Variants in HAUS8 observed in about 807,000 individuals in gnomAD.
HAUS8 encodes HAUS augmin-like complex subunit 8.
A neutral mutation model predicts 42.9 loss-of-function variants in HAUS8; 38 were observed. The observed-to-expected ratio is 0.89, with a 90% CI of 0.68 to 1.16. HAUS8 has a LOEUF of 1.16. HAUS8 is among the 50% of genes most tolerant of loss of function. HAUS8 has a pLI of 0.00. For synonymous variants in HAUS8, 199 were observed against 205.8 expected (o/e 0.97, Z 0.28); for missense variants, 494 against 511.6 (o/e 0.97, Z 0.33).
chr19:17,058,826 C>G lies in HAUS8; in HGVS notation c.471G>C (p.Thr157=). 1 of 1,613,410 alleles carries G rather than the reference C, an allele frequency of 6.2e-7. No individual in the cohort carries two copies. The highest frequency in any genetic ancestry group is 8.5e-7 in the Non-Finnish European group (1 of 1,179,762). The change falls in exon 7 of 11, where the codon ACG becomes ACC. Residue 157 remains threonine, a synonymous_variant. Transcript: ENST00000253669. Reference sequence around the variant, plus strand: ...CTGTTTTCACCTTTACGGATAGTAGCGTCAGCAGTAGTGTCTGAGACTCCA... The same window carrying G: ...CTGTTTTCACCTTTACGGATAGTAGGGTCAGCAGTAGTGTCTGAGACTCCA... ...EMMESQTLLL[T]LLSVKMENNL...
intron 8 of HAUS8, 96 bp downstream of exon 8, chr19:17,058,453 G>A: frequency 8.1e-7 from 1 of 1,234,596 alleles, no homozygotes; most frequent in Non-Finnish European, 1.1e-6. Flanking sequence ...AAGCCAGTGA[G>A]CAATGATACC....
intron 2 of HAUS8, 119 bp from the exon 3 acceptor site, chr19:17,069,205 C>T: frequency 1.2e-6 from 1 of 824,788 alleles, no homozygotes; most frequent in East Asian, 2.7e-5. Context: ...GTGACCAGAA[C>T]AGAGGAGGTC....
chr19:17,059,454 T>C, intron 6 of HAUS8, 103 bp downstream of exon 6: 2 of 770,732 alleles, frequency 2.6e-6, no homozygotes, highest in Non-Finnish European at 2.2e-6. Context: ...TGGGTGTCTT[T>C]TATGTTCTTG....
At chr19:17,071,070 T>A (rs374138470) in intron 2 of HAUS8, among the ~76,000 whole-genome samples, 2,594 of 147,012 alleles carry the variant, frequency 0.018, 35 homozygotes, top group South Asian at 0.047. Context: ...CTTTGTCTCA[T>A]AAAAAAAAAA....
intron 1 of HAUS8, 82 bp downstream of exon 1, chr19:17,075,312 G>A (rs1395907415): frequency 2.0e-6 from 3 of 1,491,876 alleles, no homozygotes; most frequent in Non-Finnish European, 9.3e-7. Context: ...CACCCCGAGG[G>A]TCCTAACTCC....
upstream of HAUS8, chr19:17,075,532 G>C: frequency 8.6e-7 from 1 of 1,168,298 alleles, no homozygotes. Flanking sequence ...TGGCTGCGAG[G>C]CGTGAGGCAG....
In HAUS8 at chr19:17,055,987, G is replaced by A. The variant is rs945735841; in HGVS notation, c.661C>T (p.Pro221Ser). The A allele has an allele frequency of 1.9e-6, 3 of 1,614,102 alleles. No homozygotes were observed. Among genetic ancestry groups the A allele is most frequent in the Non-Finnish European group, 2.5e-6 (3 of 1,180,026 alleles). Residue 221 changes from proline to serine, a missense_variant, in exon 9 of 11, where the codon CCC becomes TCC. Physicochemically the swap from Pro to Ser is moderately conservative, Grantham distance 74 (BLOSUM62 -1). Transcript: ENST00000253669. ...AAGCGTGTGGCCACTGCCTCGAAGG[G>A]GCTGAGCATCTCGATCTGTAAGCAG... is the stretch of plus-strand genomic sequence containing the variant. ...VLDAQIEMLS[P>S]FEAVATRFKE...
chr19:17,070,483 CCT>C (rs911568159), intron 2 of HAUS8, among the ~76,000 whole-genome samples: 15 of 152,218 alleles, frequency 9.9e-5, no homozygotes, highest in Admixed American at 6.5e-5. Flanking sequence ...CACTTTGTCA[CCT>C]CTCACTTGCT....
intron 6 of HAUS8, among the ~76,000 whole-genome samples, 174 bp from the exon 7 acceptor site, chr19:17,059,050 C>T (rs578252799): frequency 9.9e-5 from 15 of 152,282 alleles, no homozygotes; most frequent in South Asian, 4.1e-4. Flanking sequence ...TGGTTTTCTG[C>T]GGCGCTGAGA....
At chr19:17,073,235 G>T (rs756660386) in intron 2 of HAUS8, 39 bp downstream of exon 2, 1 of 1,572,836 alleles carries the variant, frequency 6.4e-7, no homozygotes, top group Non-Finnish European at 8.8e-7. Context: ...AATGAAAGAA[G>T]AAAACCATGT....
chr19:17,059,972 A>AGAAG (rs762153956), intron 5 of HAUS8, 25 bp downstream of exon 5: 1 of 1,541,150 alleles, frequency 6.5e-7, no homozygotes, highest in Admixed American at 1.7e-5. Flanking sequence ...AGTGAGTGAC[A>AGAAG]GAAGGGGTGA....
At position 17,059,787 on chromosome 19, in the gene HAUS8, C is replaced by T. The variant is rs893322506; in HGVS notation, c.326-136G>A. On this transcript the variant is annotated intron_variant, in intron 5 of 10. Transcript: ENST00000253669. ...GAGGAGTATATGGACTTATAACAGT[C>T]CAGTTAAAGTTGTTCAACTTTGCAA... is the stretch of plus-strand genomic sequence containing the variant. 6.5e-5 allele frequency: 45 copies of T among 690,392 alleles called. 1 individual carries two copies. The highest frequency in any genetic ancestry group is 1.2e-5 in the Non-Finnish European group (5 of 402,408). 42.8% of individuals were successfully genotyped at this position (690,392 alleles called of 1,614,324 possible).
chr19:17,056,511 A>C (rs1462146893), intron 8 of HAUS8, among the ~76,000 whole-genome samples: 1 of 152,140 alleles, frequency 6.6e-6, no homozygotes, highest in Non-Finnish European at 1.5e-5. Flanking sequence ...CATTCAATAA[A>C]CATGTAAATA....
intron 3 of HAUS8, 85 bp from the exon 4 acceptor site, chr19:17,062,864 G>GT: frequency 1.0e-6 from 1 of 971,934 alleles, no homozygotes; most frequent in Non-Finnish European, 1.6e-6. Context: ...ACTGTGTTTC[G>GT]TAACTGCTCT....
At chr19:17,051,473 G>A (rs1488097637) in intron 10 of HAUS8, among the ~76,000 whole-genome samples, 1 of 151,856 alleles carries the variant, frequency 6.6e-6, no homozygotes, top group African/African-American at 2.4e-5. Context: ...CCACTGCACA[G>A]TCCTTTAAGA....
At chr19:17,055,832 C>T (rs905891573) in intron 9 of HAUS8, 29 bp downstream of exon 9, 8 of 1,603,098 alleles carry the variant, frequency 5.0e-6, no homozygotes, top group Non-Finnish European at 6.0e-6. Flanking sequence ...CCGCCTGCTG[C>T]ACACGCACTG....
intron 10 of HAUS8, chr19:17,051,565 G>C (rs1309096342): frequency 6.6e-6 from 1 of 152,032 alleles, no homozygotes; most frequent in Non-Finnish European, 1.5e-5. Context: ...ACACCAACAG[G>C]GCTGATGTGA....
chr19:17,052,764 G>A (rs1194168575), intron 10 of HAUS8, 61 bp downstream of exon 10: 30 of 1,592,874 alleles, frequency 1.9e-5, no homozygotes, highest in Non-Finnish European at 2.5e-5. Flanking sequence ...CAACAGTGCA[G>A]CCACCAACAG....
chr19:17,055,128 A>G lies in HAUS8; in HGVS notation c.787+733T>C, dbSNP rs1454525375. On this transcript the variant is annotated intron_variant, in intron 9 of 10. Transcript: ENST00000253669. ...CCGTCTCTACAGAAAAAAAAAAAAA[A>G]AAAAAAAAAAAAAAAATATATATAT... is the stretch of plus-strand genomic sequence containing the variant. 5.4e-4 allele frequency: 18 copies of G among 33,504 alleles called. 2 individuals are homozygous for G. The highest frequency in any genetic ancestry group is 2.2e-3 in the African/African-American group (18 of 8,284). 2.1% of individuals were successfully genotyped at this position (33,504 alleles called of 1,614,324 possible). A position where few individuals can be genotyped will look rare whatever the true frequency, so the allele number is the denominator to read the frequency against.
Sources: allele counts gnomAD v4.1 joint callset (sites outside exome capture counted in the v4.1 genomes callset), GRCh38; gene constraint gnomAD v4.1.1; transcripts MANE v1.5; gene names NCBI Gene and HGNC (gene_info 2026-07-23, HGNC 2026-07-21).